Variants in LYPD6B observed in about 807,000 individuals in gnomAD.
LYPD6B encodes the protein ly6/PLAUR domain-containing protein 6B.
A neutral mutation model predicts 22.8 loss-of-function variants in LYPD6B; 17 were observed. That is an observed-to-expected ratio of 0.75 (90% CI 0.51 to 1.12). The LOEUF (loss-of-function observed/expected upper bound fraction) is 1.12. LYPD6B is among the 50% of genes most tolerant of loss of function. The pLI is 0.00. For synonymous variants in LYPD6B, 106 were observed against 91.6 expected (o/e 1.16, Z -0.90); for missense variants, 221 against 258.3 (o/e 0.86, Z 0.99).
chr2:149,068,010 G>A (rs1284943764), intron 1 of LYPD6B, among the ~76,000 whole-genome samples: 1 of 152,148 alleles, frequency 6.6e-6, no homozygotes, highest in Non-Finnish European at 1.5e-5. Flanking sequence ...AAGGTGAGTG[G>A]GGAACACCTC....
At chr2:149,175,047 C>CTG (rs1164113119) in intron 3 of LYPD6B, among the ~76,000 whole-genome samples, 5 of 134,212 alleles carry the variant, frequency 3.7e-5, no homozygotes, top group South Asian at 3.0e-4. Context: ...CTCTCTCTCT[C>CTG]TCTCTCTCTC....
chr2:149,133,869 G>A (rs1411242531), intron 2 of LYPD6B, among the ~76,000 whole-genome samples: 1 of 152,166 alleles, frequency 6.6e-6, no homozygotes, highest in Non-Finnish European at 1.5e-5. Flanking sequence ...CTTGGTGCCA[G>A]ATGCTGTAGT....
At chr2:149,131,521 G>C (rs920176856) in intron 2 of LYPD6B, 1 of 152,294 alleles carries the variant, frequency 6.6e-6, no homozygotes, top group Non-Finnish European at 1.5e-5. Flanking sequence ...AGGAGGGAAA[G>C]AGGAAAGAGA....
At chr2:149,147,991 A>T (rs1048544095) in intron 2 of LYPD6B, among the ~76,000 whole-genome samples, 1 of 149,030 alleles carries the variant, frequency 6.7e-6, no homozygotes, top group Non-Finnish European at 1.5e-5. Flanking sequence ...GGTAGTTTCC[A>T]TTCTTCTTCT....
chr2:149,206,779 G>A (rs186326396), intron 4 of LYPD6B, among the ~76,000 whole-genome samples: 23 of 151,858 alleles, frequency 1.5e-4, no homozygotes, highest in East Asian at 3.9e-4. Context: ...TACTGAGATC[G>A]TACAAATGTA....
At chr2:149,141,274 C>T (rs923422069) in intron 2 of LYPD6B, among the ~76,000 whole-genome samples, 11 of 152,144 alleles carry the variant, frequency 7.2e-5, no homozygotes, top group Non-Finnish European at 1.2e-4. Flanking sequence ...GGGAACCATG[C>T]GTGCAAAGTC....
At position 149,187,548 on chromosome 2, in the gene LYPD6B, A is replaced by G. The variant is rs1692199330; in HGVS notation, c.78-17705A>G. The G allele has an allele frequency of 2.8e-6, 4 of 1,451,342 alleles. No homozygotes were observed. In the South Asian group the frequency reaches 6.0e-5, roughly 22 times the overall value. 89.9% of individuals were successfully genotyped at this position (1,451,342 alleles called of 1,614,324 possible). On this transcript the variant is annotated intron_variant, in intron 3 of 6. Coordinates refer to ENST00000409642, the MANE Select transcript of LYPD6B (RefSeq NM_177964.5). ...TTCCCTGCGAGCAGGATCTCAGGCA[A>G]CGTCAATGAACAACATGAAGCCTGA... is the stretch of plus-strand genomic sequence containing the variant.
rs572884444 is a variant in LYPD6B, at chr2:149,104,600, T to C, written c.-66-26283T>C. ...TCATTATTTGTTTTGAGCATTCTTATATATTCTGTATGCAAATTCTCTATC... is the reference window on the plus strand; with the variant it reads ...TCATTATTTGTTTTGAGCATTCTTACATATTCTGTATGCAAATTCTCTATC... On this transcript the variant is annotated intron_variant, in intron 1 of 6. Coordinates refer to ENST00000409642, the MANE Select transcript of LYPD6B (RefSeq NM_177964.5). Among the ~76,000 whole-genome samples the C allele has an allele frequency of 4.6e-5, 7 of 152,366 alleles. No homozygotes were observed. In the East Asian group the frequency reaches 1.3e-3, roughly 29 times the overall value.
intron 2 of LYPD6B, chr2:149,131,319 T>C (rs1203823241): frequency 4.7e-6 from 1 of 212,382 alleles, no homozygotes; most frequent in African/African-American, 2.3e-5. Flanking sequence ...TGAGTCCTAA[T>C]CTTGTGGTTC....
At chr2:149,140,012 G>A (rs771351343) in intron 2 of LYPD6B, among the ~76,000 whole-genome samples, 3 of 152,114 alleles carry the variant, frequency 2.0e-5, no homozygotes, top group Non-Finnish European at 4.4e-5. Flanking sequence ...CTTTTTTGTT[G>A]TTGTGTGGGG....
chr2:149,175,125 A>G (rs1691202197), intron 3 of LYPD6B, among the ~76,000 whole-genome samples: 1 of 142,042 alleles, frequency 7.0e-6, no homozygotes. Context: ...TATTCTGATA[A>G]ATGCATCATT....
intron 3 of LYPD6B, among the ~76,000 whole-genome samples, chr2:149,181,262 G>C (rs1438479826): frequency 6.6e-6 from 1 of 152,106 alleles, no homozygotes; most frequent in Non-Finnish European, 1.5e-5. Flanking sequence ...TTTTACCTTT[G>C]TTAATCCTGA....
At chr2:149,212,872 A>G in intron 5 of LYPD6B, 120 bp from the exon 6 acceptor site, 1 of 945,472 alleles carries the variant, frequency 1.1e-6, no homozygotes, top group Non-Finnish European at 1.5e-6. Flanking sequence ...TTGCCTAAAA[A>G]CCCCAGGACT....
At chr2:149,073,981 C>A (rs1423073504) in intron 1 of LYPD6B, among the ~76,000 whole-genome samples, 3 of 152,106 alleles carry the variant, frequency 2.0e-5, no homozygotes, top group African/African-American at 7.2e-5. Context: ...GACCGTGCTC[C>A]ATTGGCTTAT....
chr2:149,160,831 T>A lies in LYPD6B; in HGVS notation c.73T>A (p.Ser25Thr). 1.3e-6 allele frequency: 2 copies of A among 1,551,844 alleles called. No homozygotes were observed. Among genetic ancestry groups the A allele is most frequent in the Non-Finnish European group, 1.7e-6 (2 of 1,146,540 alleles). ...GAGCCTGACAACCACATTCTCCTTC[T>A]CAAGGTAAGAATGGCAGCTGTTACA... ...ERSLTTTFSF[S>T]RYKSSDRPAH... Residue 25 changes from serine (S) to threonine (T), a missense_variant, in exon 3 of 7, where the codon TCA becomes ACA. Transcript: ENST00000409642.
intron 3 of LYPD6B, among the ~76,000 whole-genome samples, chr2:149,191,832 A>G (rs1692515584): frequency 6.6e-6 from 1 of 152,230 alleles, no homozygotes; most frequent in Non-Finnish European, 1.5e-5. Flanking sequence ...TATATTAGTT[A>G]TATCCTAATA....
intron 2 of LYPD6B, among the ~76,000 whole-genome samples, chr2:149,159,704 T>G (rs1689930770): frequency 6.6e-6 from 1 of 151,734 alleles, no homozygotes; most frequent in South Asian, 2.1e-4. Flanking sequence ...TTGGCAAGTA[T>G]GAGATTCATA....
Position 149,063,248 on chromosome 2 carries a change from T to C in LYPD6B, c.-67+24447T>C, listed in dbSNP as rs932601646. On this transcript the variant is annotated intron_variant, in intron 1 of 6. Coordinates refer to ENST00000409642, the MANE Select transcript of LYPD6B (RefSeq NM_177964.5). ...AATGAGTTTTACTTCTTTACTTTTA[T>C]TTTTTTCGGGCCAAGGGGTGTTATT... Among the ~76,000 whole-genome samples the C allele has an allele frequency of 2.0e-4, 30 of 152,306 alleles. No individual in the cohort carries two copies. In the East Asian group the frequency reaches 5.6e-3, roughly 28 times the overall value.
chr2:149,167,308 G>GT (rs901146435), intron 3 of LYPD6B, among the ~76,000 whole-genome samples: 2 of 152,150 alleles, frequency 1.3e-5, no homozygotes, highest in Non-Finnish European at 2.9e-5. Context: ...CTTTGGAGCT[G>GT]TTTTTTCCCT....
Sources: allele counts gnomAD v4.1 joint callset (sites outside exome capture counted in the v4.1 genomes callset), GRCh38; gene constraint gnomAD v4.1.1; transcripts MANE v1.5; gene names NCBI Gene and HGNC (gene_info 2026-07-23, HGNC 2026-07-21).